The following IGF1R variants were observed in gnomAD, a reference collection of about 807,000 sequenced individuals.
IGF1R encodes the protein insulin-like growth factor 1 receptor.
A neutral mutation model predicts 144.6 loss-of-function variants in IGF1R; 44 were observed. The ratio of observed to expected loss-of-function variants is 0.30; its 90% confidence interval spans 0.24 to 0.39. The LOEUF (loss-of-function observed/expected upper bound fraction) is 0.39, where lower values mean the gene tolerates loss of function less well. IGF1R is among the 10% of genes least tolerant of loss of function. IGF1R has a pLI of 1.00. For missense variants in IGF1R, 1,355 were observed against 1,833.7 expected (o/e 0.74, Z 4.77); for synonymous variants, 795 against 722.8 (o/e 1.10, Z -1.60).
At chr15:98,922,568 A>C in intron 11 of IGF1R, 137 bp downstream of exon 11, 2 of 1,029,386 alleles carry the variant, frequency 1.9e-6, no homozygotes, top group Non-Finnish European at 2.9e-6. Flanking sequence ...ACGTGCAGTC[A>C]TTGGCAGGTG....
intron 5 of IGF1R, among the ~76,000 whole-genome samples, chr15:98,901,147 G>A (rs2014461871): frequency 6.6e-6 from 1 of 152,288 alleles, no homozygotes; most frequent in South Asian, 2.1e-4. Flanking sequence ...TGAAGCATCA[G>A]CAAAATCTTT....
At chr15:98,750,571 C>T (rs993396801) in intron 2 of IGF1R, among the ~76,000 whole-genome samples, 3 of 152,280 alleles carry the variant, frequency 2.0e-5, no homozygotes, top group Middle Eastern at 6.8e-3. Flanking sequence ...TGCCTGTAAT[C>T]CCAGCTCCTC....
chr15:98,737,953 C>G (rs973136705), intron 2 of IGF1R, among the ~76,000 whole-genome samples: 1 of 152,176 alleles, frequency 6.6e-6, no homozygotes, highest in African/African-American at 2.4e-5. Context: ...TTCCTGGTCC[C>G]GCAGCCGTTC....
chr15:98,777,838 G>A (rs1024439021), intron 2 of IGF1R, among the ~76,000 whole-genome samples: 5 of 152,220 alleles, frequency 3.3e-5, no homozygotes, highest in Admixed American at 2.6e-4. Context: ...CAGAGAAGTG[G>A]CACACGTTTA....
chr15:98,945,147 C>T (rs1400937472), intron 19 of IGF1R, among the ~76,000 whole-genome samples: 1 of 152,228 alleles, frequency 6.6e-6, no homozygotes, highest in East Asian at 1.9e-4. Flanking sequence ...GACTGGGGAG[C>T]TGCACCCCAC....
Position 98,850,682 on chromosome 15 carries a change from C to T in IGF1R, c.641-40643C>T, listed in dbSNP as rs1009258857. Among the ~76,000 whole-genome samples, 5 of 152,014 alleles carry T rather than the reference C, an allele frequency of 3.3e-5. No individual in the cohort carries two copies. In the East Asian group the frequency reaches 5.8e-4, roughly 18 times the overall value. On this transcript the variant is annotated intron_variant, in intron 2 of 20. Coordinates refer to ENST00000650285, the MANE Select transcript of IGF1R (RefSeq NM_000875.5). Reference sequence around the variant, plus strand: ...CATAACTGGCAGAGGAAGCAGCATACGTTACAAGTAACTGCATGTGTACAG... The same window carrying T: ...CATAACTGGCAGAGGAAGCAGCATATGTTACAAGTAACTGCATGTGTACAG...
At chr15:98,706,810 G>A (rs748258125) in intron 1 of IGF1R, among the ~76,000 whole-genome samples, 4 of 144,988 alleles carry the variant, frequency 2.8e-5, no homozygotes, top group Admixed American at 7.1e-5. Flanking sequence ...TGTTGAGATC[G>A]TTGATGATTT....
chr15:98,649,943 C>G (rs186887362), intron 1 of IGF1R, among the ~76,000 whole-genome samples: 1 of 152,200 alleles, frequency 6.6e-6, no homozygotes, highest in Non-Finnish European at 1.5e-5. Flanking sequence ...ACAGCCCAGC[C>G]GTGTTTCCCG....
In IGF1R at chr15:98,960,708, C is replaced by G. The variant is rs998694975; in HGVS notation, c.*3266C>G. The G allele has an allele frequency of 3.0e-5, 7 of 233,374 alleles. No homozygotes were observed. The highest frequency in any genetic ancestry group is 4.4e-5 in the African/African-American group (2 of 45,362). 14.5% of individuals were successfully genotyped at this position (233,374 alleles called of 1,614,324 possible). Reference sequence around the variant, plus strand: ...CAGCAGCTGGAGAGCAAGAGTCACCCAGCCTGTGCGCCAGAATGCAGAGGC... The same window carrying G: ...CAGCAGCTGGAGAGCAAGAGTCACCGAGCCTGTGCGCCAGAATGCAGAGGC... On this transcript the variant is annotated 3_prime_UTR_variant, in exon 21 of 21. Coordinates refer to ENST00000650285, the MANE Select transcript of IGF1R (RefSeq NM_000875.5).
chr15:98,896,763 C>T lies in IGF1R; in HGVS notation c.960C>T (p.Tyr320=), dbSNP rs549538794. The part of the protein sequence containing the change: ...GFIRNGSQSM[Y]CIPCEGPCPK... Reference sequence around the variant, plus strand: ...TTTTTTTCTTCTTCAACAGCATGTACTGCATCCCTTGTGAAGGTCCTTGCC... The same window carrying T: ...TTTTTTTCTTCTTCAACAGCATGTATTGCATCCCTTGTGAAGGTCCTTGCC... The change falls in exon 4 of 21, where the codon TAC becomes TAT. Residue 320 remains tyrosine (Y), a synonymous_variant. Coordinates refer to ENST00000650285, the MANE Select transcript of IGF1R (RefSeq NM_000875.5). The T allele has an allele frequency of 3.1e-6, 5 of 1,613,832 alleles. No homozygotes were observed. The South Asian group carries it at 4.4e-5, about 14-fold the overall frequency.
Position 98,930,250 on chromosome 15 carries a change from G to C in IGF1R, c.2901G>C (p.Leu967=), listed in dbSNP as rs1202009807. ...TTTTTGACAGAAATAACAGCAGGCT[G>C]GGGAATGGAGTGCTGTATGCCTCTG... ...VFHRKRNNSR[L]GNGVLYASVN... is the part of the protein sequence containing the mutation. The change falls in exon 15 of 21, where the codon CTG becomes CTC. Residue 967 remains leucine, a synonymous_variant. Transcript: ENST00000650285. The C allele has an allele frequency of 6.2e-7, 1 of 1,613,096 alleles. No homozygotes were observed. The highest frequency in any genetic ancestry group is 2.2e-5 in the East Asian group (1 of 44,882).
intron 2 of IGF1R, among the ~76,000 whole-genome samples, chr15:98,889,556 G>A (rs2013806096): frequency 6.6e-6 from 1 of 152,246 alleles, no homozygotes; most frequent in South Asian, 2.1e-4. Flanking sequence ...ACAATGGAGT[G>A]TAATACTGCT....
intron 2 of IGF1R, among the ~76,000 whole-genome samples, chr15:98,875,598 A>G (rs1262631011): frequency 1.3e-5 from 2 of 152,152 alleles, no homozygotes; most frequent in Non-Finnish European, 2.9e-5. Flanking sequence ...ATGGAATGAA[A>G]GATCACGTGT....
chr15:98,653,222 G>T (rs993136130), intron 1 of IGF1R, among the ~76,000 whole-genome samples: 15 of 152,150 alleles, frequency 9.9e-5, no homozygotes, highest in African/African-American at 3.6e-4. Flanking sequence ...ACAAATGCTG[G>T]TGGAGGGCAG....
chr15:98,650,293 C>T (rs2052324207), intron 1 of IGF1R, among the ~76,000 whole-genome samples: 1 of 152,242 alleles, frequency 6.6e-6, no homozygotes. Flanking sequence ...GCCCCTCGGG[C>T]TCCTCGGGTT....
intron 1 of IGF1R, among the ~76,000 whole-genome samples, chr15:98,681,867 G>T (rs2053198249): frequency 6.6e-6 from 1 of 152,200 alleles, no homozygotes; most frequent in African/African-American, 2.4e-5. Flanking sequence ...TGACCAAGGA[G>T]ATGGTCACTC....
Position 98,817,577 on chromosome 15 carries a change from A to G in IGF1R, c.641-73748A>G, listed in dbSNP as rs140070656. Reference sequence around the variant, plus strand: ...AAGGTCCAGCCATGGGAAGTTCAGGAGAAAGGATAAGAAGAAAAAGCTGTC... The same window carrying G: ...AAGGTCCAGCCATGGGAAGTTCAGGGGAAAGGATAAGAAGAAAAAGCTGTC... On this transcript the variant is annotated intron_variant, in intron 2 of 20. Coordinates refer to ENST00000650285, the MANE Select transcript of IGF1R (RefSeq NM_000875.5). Among the ~76,000 whole-genome samples the G allele has an allele frequency of 6.6e-5, 10 of 152,218 alleles. No homozygotes were observed. The East Asian group carries it at 1.9e-3, about 29-fold the overall frequency.
At chr15:98,797,637 G>A (rs1381442934) in intron 2 of IGF1R, among the ~76,000 whole-genome samples, 2 of 152,078 alleles carry the variant, frequency 1.3e-5, no homozygotes, top group East Asian at 1.9e-4. Flanking sequence ...GAGCCCTCCC[G>A]GTTCCTCTTC....
intron 7 of IGF1R, among the ~76,000 whole-genome samples, chr15:98,912,150 TC>T (rs35231663): frequency 0.18 from 27,125 of 152,116 alleles, 2,608 homozygotes; most frequent in South Asian, 0.31. Context: ...TACTTAGCCA[TC>T]CCCCTTACCC....
Sources: gnomAD v4.1 joint callset for allele counts (sites outside exome capture counted in the v4.1 genomes callset) on GRCh38, gnomAD v4.1.1 for gene constraint, MANE v1.5 for transcripts, NCBI Gene and HGNC (gene_info 2026-07-23, HGNC 2026-07-21) for gene names.